LRRC28: variants seen among roughly 807,000 people sequenced by gnomAD.
The protein encoded by LRRC28 is leucine rich repeat containing 28, also known as leucine-rich repeat-containing protein 28.
A neutral mutation model predicts 45.7 loss-of-function variants in LRRC28; 39 were observed. The observed-to-expected ratio is 0.85, with a 90% CI of 0.66 to 1.12. The LOEUF is 1.12. LRRC28 is among the 50% of genes most tolerant of loss of function. The pLI is 0.00. For synonymous variants in LRRC28, 206 were observed against 178.8 expected, an observed-to-expected ratio of 1.15 and a Z score of -1.22; for missense variants, 435 against 438.5, an observed-to-expected ratio of 0.99 and a Z score of 0.07.
chr15:99,272,475 T>C (rs569633295), intron 2 of LRRC28, among the ~76,000 whole-genome samples: 5 of 152,236 alleles, frequency 3.3e-5, no homozygotes, highest in African/African-American at 4.8e-5. Flanking sequence ...AAGTAGGTAA[T>C]GCACAGTGCC....
intron 9 of LRRC28, among the ~76,000 whole-genome samples, chr15:99,381,465 C>T (rs781527083): frequency 1.6e-4 from 25 of 152,156 alleles, no homozygotes; most frequent in Non-Finnish European, 3.5e-4. Context: ...AGCTTCTTTG[C>T]GATGGGTTCG....
chr15:99,319,364 A>G (rs1290814538), intron 5 of LRRC28, among the ~76,000 whole-genome samples: 1 of 152,206 alleles, frequency 6.6e-6, no homozygotes, highest in Non-Finnish European at 1.5e-5. Flanking sequence ...TGAGGAAGAT[A>G]AAGGATTTTT....
chr15:99,297,039 G>A (rs2082282164), intron 5 of LRRC28, among the ~76,000 whole-genome samples: 1 of 151,968 alleles, frequency 6.6e-6, no homozygotes, highest in Admixed American at 6.6e-5. Flanking sequence ...TAATTAGCCG[G>A]GTGTGGTGGT....
chr15:99,254,000 C>T (rs917092999), intron 1 of LRRC28, among the ~76,000 whole-genome samples: 4 of 152,138 alleles, frequency 2.6e-5, no homozygotes, highest in Non-Finnish European at 5.9e-5. Context: ...TGTGGAGATT[C>T]GGATTGATGA....
chr15:99,328,476 A>G (rs189235683), intron 5 of LRRC28, among the ~76,000 whole-genome samples: 1 of 152,172 alleles, frequency 6.6e-6, no homozygotes, highest in East Asian at 1.9e-4. Flanking sequence ...TTATTTGGAA[A>G]TTAGGTGTGG....
In LRRC28 at chr15:99,314,410, C is replaced by G. The variant is rs141454030; in HGVS notation, c.386-19513C>G. Among the ~76,000 whole-genome samples the G allele has an allele frequency of 1.7e-4, 26 of 151,462 alleles. No individual in the cohort carries two copies. In the East Asian group the frequency reaches 4.8e-3, roughly 28 times the overall value. On this transcript the variant is annotated intron_variant, in intron 5 of 9. Transcript: ENST00000301981. ...CTGTGATCACACAACTGCACTCCAG[C>G]CTGGGTGACAGAGTGAGACCTTGTC... is the stretch of plus-strand genomic sequence containing the variant.
intron 2 of LRRC28, among the ~76,000 whole-genome samples, chr15:99,264,622 C>T (rs1426860679): frequency 6.6e-6 from 1 of 152,132 alleles, no homozygotes; most frequent in Non-Finnish European, 1.5e-5. Flanking sequence ...GCAGAGAGGA[C>T]CTCTAGTAAA....
intron 2 of LRRC28, among the ~76,000 whole-genome samples, chr15:99,265,399 A>G (rs2081305643): frequency 6.6e-6 from 1 of 152,168 alleles, no homozygotes; most frequent in African/African-American, 2.4e-5. Context: ...GTACCCATTG[A>G]TGTTGACGAA....
At chr15:99,287,009 C>T in intron 3 of LRRC28, 1 of 358,770 alleles carries the variant, frequency 2.8e-6, no homozygotes, top group African/African-American at 2.1e-5. Context: ...ATTATGTATG[C>T]TTTTATTTTA....
intron 5 of LRRC28, among the ~76,000 whole-genome samples, chr15:99,332,225 A>T (rs887810576): frequency 6.6e-6 from 1 of 152,174 alleles, no homozygotes; most frequent in African/African-American, 2.4e-5. Context: ...AAGGTGGAGT[A>T]CTATGCCAGT....
intron 1 of LRRC28, among the ~76,000 whole-genome samples, chr15:99,253,754 A>G (rs2080934451): frequency 6.6e-6 from 1 of 152,252 alleles, no homozygotes; most frequent in South Asian, 2.1e-4. Context: ...TAGAGTGGAC[A>G]CAGGGAGACT....
At chr15:99,287,646 G>A (rs1409911355) in intron 4 of LRRC28, among the ~76,000 whole-genome samples, 168 bp from the exon 5 acceptor site, 1 of 152,126 alleles carries the variant, frequency 6.6e-6, no homozygotes, top group African/African-American at 2.4e-5. Flanking sequence ...TGAGCTGGAA[G>A]TATTTATCAC....
At position 99,335,215 on chromosome 15, in the gene LRRC28, G is replaced by A. The variant is rs1429456287; in HGVS notation, c.592+1086G>A. Among the ~76,000 whole-genome samples the A allele has an allele frequency of 3.9e-5, 6 of 152,130 alleles. No individual in the cohort carries two copies. In the South Asian group the frequency reaches 6.2e-4, roughly 16 times the overall value. On this transcript the variant is annotated intron_variant, in intron 6 of 9. Coordinates refer to ENST00000301981, the MANE Select transcript of LRRC28 (RefSeq NM_144598.5). ...GCACTAACCCCACAGGTCATAGACCGATTATGGTGGTCAAGCACCAAATTA... is the reference window on the plus strand; with the variant it reads ...GCACTAACCCCACAGGTCATAGACCAATTATGGTGGTCAAGCACCAAATTA...
intron 7 of LRRC28, among the ~76,000 whole-genome samples, chr15:99,356,415 GATGGACTTC>G (rs1047752223): frequency 1.0e-3 from 154 of 152,298 alleles, no homozygotes; most frequent in African/African-American, 3.6e-3. Flanking sequence ...AAATTAACTT[GATGGACTTC>G]ATGGCAGAAT....
chr15:99,351,202 G>A (rs1392910390), intron 6 of LRRC28, among the ~76,000 whole-genome samples: 2 of 152,182 alleles, frequency 1.3e-5, no homozygotes, highest in Non-Finnish European at 1.5e-5. Flanking sequence ...GCCCTAGTCA[G>A]TGAGTGCTTA....
chr15:99,269,516 G>T (rs1378648301), intron 2 of LRRC28, among the ~76,000 whole-genome samples: 1 of 151,878 alleles, frequency 6.6e-6, no homozygotes, highest in African/African-American at 2.4e-5. Flanking sequence ...TGATTCTCCT[G>T]CCTCATCCTC....
In LRRC28 at chr15:99,344,347, G is replaced by A. The variant is rs1416776339; in HGVS notation, c.593-8022G>A. Among the ~76,000 whole-genome samples the A allele has an allele frequency of 5.9e-5, 9 of 151,972 alleles. No individual in the cohort carries two copies. The East Asian group carries it at 1.7e-3, about 29-fold the overall frequency. On this transcript the variant is annotated intron_variant, in intron 6 of 9. Coordinates refer to ENST00000301981, the MANE Select transcript of LRRC28 (RefSeq NM_144598.5). The stretch of plus-strand genomic sequence containing the variant: ...GGAAGCAGGATTCAGACTCAGTTCT[G>A]ACTCCATCACCCACTGCATTGTCTA...
intron 2 of LRRC28, among the ~76,000 whole-genome samples, chr15:99,270,779 G>C (rs546949070): frequency 6.6e-6 from 1 of 152,212 alleles, no homozygotes; most frequent in Admixed American, 6.5e-5. Context: ...GTTCTTTTGG[G>C]TATATAAATA....
intron 5 of LRRC28, among the ~76,000 whole-genome samples, chr15:99,315,778 T>A (rs1270935872): frequency 6.6e-6 from 1 of 152,138 alleles, no homozygotes; most frequent in Non-Finnish European, 1.5e-5. Flanking sequence ...AAATACCATC[T>A]TCAGGCCAGA....
Sources: allele counts gnomAD v4.1 joint callset (sites outside exome capture counted in the v4.1 genomes callset), GRCh38; gene constraint gnomAD v4.1.1; transcripts MANE v1.5; gene names NCBI Gene and HGNC (gene_info 2026-07-23, HGNC 2026-07-21).